The following NCOR2 variants were observed in gnomAD, a reference collection of about 807,000 sequenced individuals.
NCOR2 encodes nuclear receptor corepressor 2.
A neutral mutation model predicts 262.9 loss-of-function variants in NCOR2; 81 were observed. The ratio of observed to expected loss-of-function variants is 0.31; its 90% confidence interval spans 0.26 to 0.37. The LOEUF (loss-of-function observed/expected upper bound fraction) is 0.37. Among genes scored for constraint, NCOR2 ranks in the 10% least tolerant of loss-of-function variants. The pLI is 1.00. For missense variants in NCOR2, 3,385 were observed against 3,621.4 expected, an observed-to-expected ratio of 0.93 and a Z score of 1.68; for synonymous variants, 1,659 against 1,559.3, an observed-to-expected ratio of 1.06 and a Z score of -1.51.
At chr12:124,362,342 A>C (rs184107755) in intron 21 of NCOR2, 45 bp from the exon 24 acceptor site, 2 of 1,321,454 alleles carry the variant, frequency 1.5e-6, no homozygotes, top group African/African-American at 3.0e-5. Context: ...GGGTGTCTGA[A>C]AGTGACAGGG....
At chr12:124,512,065 C>T (rs2049423241) in intron 1 of NCOR2, among the ~76,000 whole-genome samples, 2 of 152,212 alleles carry the variant, frequency 1.3e-5, no homozygotes, top group African/African-American at 4.8e-5. Context: ...CAAGCCGCCA[C>T]CACATCCGGC....
At chr12:124,343,196 T>A in exon 33 of NCOR2, 1 of 1,608,690 alleles carries the variant, frequency 6.2e-7, no homozygotes. Context: ...CAGCTTTCGG[T>A]CCTGGGATGC....
chr12:124,355,362 A>C, intron 24 of NCOR2, 70 bp downstream of exon 26: 1 of 1,558,232 alleles, frequency 6.4e-7, no homozygotes, highest in Non-Finnish European at 8.7e-7. Flanking sequence ...CTCAGACTTC[A>C]TTGGTCCCAT....
chr12:124,365,857 A>T (rs1399490395), intron 20 of NCOR2, among the ~76,000 whole-genome samples: 1 of 152,082 alleles, frequency 6.6e-6, no homozygotes, highest in Admixed American at 6.5e-5. Context: ...CAAGGTACAG[A>T]CAAGGTACCC....
chr12:124,438,015 G>T lies in NCOR2; in HGVS notation c.816-19C>A. 6.2e-7 allele frequency: 1 copy of T among 1,603,246 alleles called. No individual in the cohort carries two copies. The highest frequency in any genetic ancestry group is 8.5e-7 in the Non-Finnish European group (1 of 1,174,274). ...CTGGTTTCTGTGCAGGAGGGAAGCGGCAGACAGGTCAGCCCGGCCGGGCTC... is the reference window on the plus strand; with the variant it reads ...CTGGTTTCTGTGCAGGAGGGAAGCGTCAGACAGGTCAGCCCGGCCGGGCTC... On this transcript the variant is annotated intron_variant, in intron 7 of 46. Coordinates refer to ENST00000405201, the Ensembl canonical transcript of NCOR2.
chr12:124,353,966 A>G, intron 27 of NCOR2, 127 bp downstream of exon 29: 1 of 824,656 alleles, frequency 1.2e-6, no homozygotes, highest in South Asian at 1.6e-5. Flanking sequence ...TCATGGAGTG[A>G]ACTGCTGTCC....
rs1390158613 is a variant in NCOR2, at chr12:124,457,831, A to G, written c.706-669T>C. On this transcript the variant is annotated intron_variant, in intron 5 of 46. Coordinates refer to ENST00000405201, the Ensembl canonical transcript of NCOR2. This position sits in a 1 kb window ranked among gnomAD's most constrained non-coding sequence, Gnocchi z 4.0. ...CCCGGCCCTCGGTGTGAAGGCAGACATTGTGCCTCGGCCAGGCCCACCAGC... is the reference window on the plus strand; with the variant it reads ...CCCGGCCCTCGGTGTGAAGGCAGACGTTGTGCCTCGGCCAGGCCCACCAGC... 6.6e-6 allele frequency among the ~76,000 whole-genome samples: 1 copy of G among 151,810 alleles called. No individual in the cohort carries two copies. The highest frequency in any genetic ancestry group is 1.5e-5 in the Non-Finnish European group (1 of 67,926).
chr12:124,361,952 G>A (rs542956424), intron 22 of NCOR2, among the ~76,000 whole-genome samples, 174 bp downstream of exon 24: 30 of 152,334 alleles, frequency 2.0e-4, no homozygotes, highest in East Asian at 1.5e-3. Context: ...CCAATTTGCC[G>A]CAGTCCCTAC....
intron 13 of NCOR2, among the ~76,000 whole-genome samples, chr12:124,406,528 C>A (rs551313928): frequency 6.6e-6 from 1 of 152,228 alleles, no homozygotes; most frequent in Admixed American, 6.5e-5. Flanking sequence ...ATTCCCTCAA[C>A]GTGAGGGGAC....
Position 124,349,849 on chromosome 12 carries a change from C to T in NCOR2, c.3844+738G>A, listed in dbSNP as rs532254947. Among the ~76,000 whole-genome samples, 148 of 152,130 alleles carry T rather than the reference C, an allele frequency of 9.7e-4. 1 individual carries two copies. The highest frequency in any genetic ancestry group is 2.0e-3 in the Non-Finnish European group (134 of 68,012). On this transcript the variant is annotated intron_variant, in intron 28 of 46. Transcript: ENST00000405201. ...GGCACTCGGTCCAGGGGCACCAGGG[C>T]ATGAGCTGGCACCCAAGACACAGCT...
chr12:124,343,293 T>C (rs560010096), intron 32 of NCOR2, 67 bp from the exon 35 acceptor site: 153 of 1,380,508 alleles, frequency 1.1e-4, no homozygotes, highest in Middle Eastern at 5.4e-4. Context: ...TGTTTGAGGA[T>C]AGGGACCTCG....
At chr12:124,494,686 C>T (rs1339666814) in intron 1 of NCOR2, among the ~76,000 whole-genome samples, 1 of 152,168 alleles carries the variant, frequency 6.6e-6, no homozygotes, top group Non-Finnish European at 1.5e-5. Flanking sequence ...CACCTCAGAG[C>T]CTCGAGCCGC....
At chr12:124,425,395 G>GA (rs924973438) in intron 11 of NCOR2, among the ~76,000 whole-genome samples, 62 of 149,636 alleles carry the variant, frequency 4.1e-4, no homozygotes, top group South Asian at 1.5e-3. Flanking sequence ...AGAAAAAAAG[G>GA]AAAAAAAAAC....
At chr12:124,400,219 C>A (rs1395840661) in intron 15 of NCOR2, among the ~76,000 whole-genome samples, 1 of 152,202 alleles carries the variant, frequency 6.6e-6, no homozygotes, top group Non-Finnish European at 1.5e-5. Context: ...GTTCTAGGTG[C>A]TTCTCACATA....
chr12:124,390,980 G>A (rs1339250449), intron 16 of NCOR2, among the ~76,000 whole-genome samples: 3 of 152,238 alleles, frequency 2.0e-5, no homozygotes, highest in Admixed American at 1.3e-4. Flanking sequence ...GGGCCCCGCT[G>A]GGCTAATCCT....
intron 3 of NCOR2, among the ~76,000 whole-genome samples, chr12:124,473,672 G>A (rs569171972): frequency 5.3e-5 from 8 of 152,240 alleles, no homozygotes; most frequent in Non-Finnish European, 1.0e-4. Context: ...TGCCATCCAT[G>A]TAAGATGTGA....
chr12:124,402,487 C>T (rs374660490), exon 14 of NCOR2: 3 of 1,610,066 alleles, frequency 1.9e-6, no homozygotes, highest in African/African-American at 2.7e-5. Context: ...TCTCATCTTT[C>T]TCCTCCTGGC....
intron 3 of NCOR2, among the ~76,000 whole-genome samples, chr12:124,475,857 C>T (rs974434145): frequency 2.0e-5 from 3 of 152,164 alleles, no homozygotes; most frequent in Admixed American, 2.0e-4. Flanking sequence ...CCCACAGAAC[C>T]GTGGGGCTGA....
intron 3 of NCOR2, among the ~76,000 whole-genome samples, chr12:124,478,691 G>C (rs182684506): frequency 6.6e-6 from 1 of 151,952 alleles, no homozygotes; most frequent in African/African-American, 2.4e-5. Flanking sequence ...TCCACCTTGT[G>C]GTCCAAGCAG....
Sources: allele counts gnomAD v4.1 joint callset (sites outside exome capture counted in the v4.1 genomes callset), GRCh38; gene constraint gnomAD v4.1.1; non-coding constraint Gnocchi (gnomAD v3.1); transcripts MANE v1.5; gene names NCBI Gene and HGNC (gene_info 2026-07-23, HGNC 2026-07-21).